The following THSD7B variants were observed in gnomAD, a reference collection of about 807,000 sequenced individuals.
THSD7B encodes the protein thrombospondin type-1 domain-containing protein 7B.
THSD7B carries 138 observed loss-of-function variants against 213.6 expected under a neutral mutation model. The observed-to-expected ratio is 0.65, with a 90% confidence interval of 0.56 to 0.74. The LOEUF (loss-of-function observed/expected upper bound fraction) is 0.74, where lower values mean the gene tolerates loss of function less well. Ranked by LOEUF, THSD7B falls within the 30% of genes least tolerant of loss-of-function variation. THSD7B has a pLI of 0.00. For synonymous variants in THSD7B, 742 were observed against 687.0 expected (o/e 1.08, Z -1.25); for missense variants, 1,931 against 1,991.5 (o/e 0.97, Z 0.58).
At position 137,518,660 on chromosome 2, in the gene THSD7B, A is replaced by G. The variant is rs537283673; in HGVS notation, c.3139-44561A>G. 3.3e-5 allele frequency among the ~76,000 whole-genome samples: 5 copies of G among 152,232 alleles called. No homozygotes were observed. The South Asian group carries it at 1.0e-3, about 32-fold the overall frequency. On this transcript the variant is annotated intron_variant, in intron 15 of 27. Transcript: ENST00000409968. ...GGATAGGATGACCTGTTCTGTGGAC[A>G]CCACTCATCCTTTTTCCCCAGCCAC...
At chr2:137,252,878 A>G (rs751212932) in intron 10 of THSD7B, among the ~76,000 whole-genome samples, 58 of 150,752 alleles carry the variant, frequency 3.8e-4, no homozygotes, top group Middle Eastern at 7.0e-3. Context: ...AACTATTGGA[A>G]GAGACTAGCA....
At chr2:137,525,922 G>T (rs1680268708) in intron 15 of THSD7B, among the ~76,000 whole-genome samples, 1 of 152,064 alleles carries the variant, frequency 6.6e-6, no homozygotes, top group Non-Finnish European at 1.5e-5. Flanking sequence ...TGTCACAGTT[G>T]GTATGCCAGC....
In THSD7B at chr2:136,924,081, T is replaced by A. The variant is rs371527645; in HGVS notation, c.139+41764T>A. Among the ~76,000 whole-genome samples the A allele has an allele frequency of 3.0e-4, 46 of 152,292 alleles. 1 individual carries two copies. The South Asian group carries it at 9.1e-3, about 30-fold the overall frequency. On this transcript the variant is annotated intron_variant, in intron 2 of 27. Coordinates refer to ENST00000409968, the MANE Select transcript of THSD7B (RefSeq NM_001316349.2). Reference sequence around the variant, plus strand: ...ACGTTTACTTCTAGGAGTTTTATAGTTTTAACTCTTCTGTTTAGGTTTTAT... The same window carrying A: ...ACGTTTACTTCTAGGAGTTTTATAGATTTAACTCTTCTGTTTAGGTTTTAT...
intron 2 of THSD7B, among the ~76,000 whole-genome samples, chr2:137,036,299 A>G (rs186225788): frequency 6.6e-4 from 101 of 152,306 alleles, no homozygotes; most frequent in Non-Finnish European, 1.1e-3. Context: ...AGAGCTTTTA[A>G]TGAAATGTCA....
intron 1 of THSD7B, among the ~76,000 whole-genome samples, chr2:136,765,920 G>A (rs905606658): frequency 6.6e-6 from 1 of 152,246 alleles, no homozygotes. Flanking sequence ...TGCCCGGGGC[G>A]CAGTGTGCGG....
chr2:136,774,864 A>AT (rs773464353), intron 1 of THSD7B, among the ~76,000 whole-genome samples: 39 of 152,162 alleles, frequency 2.6e-4, no homozygotes, highest in Non-Finnish European at 5.2e-4. Flanking sequence ...TTTTATTTTT[A>AT]TTTTTTTATA....
chr2:137,591,563 T>C (rs76064351), intron 17 of THSD7B, among the ~76,000 whole-genome samples: 8,803 of 151,994 alleles, frequency 0.058, 477 homozygotes, highest in African/African-American at 0.13. Flanking sequence ...AAATCAGTGA[T>C]TGCCTTTCTT....
rs72973680 is a variant in THSD7B, at chr2:137,269,352, A to C, written c.2267-3181A>C. ...ACCTGCAGTCACACCATAAAGGCAG[A>C]CTACGTCTGTATGCGAGTGTGTACC... On this transcript the variant is annotated intron_variant, in intron 10 of 27. Coordinates refer to ENST00000409968, the MANE Select transcript of THSD7B (RefSeq NM_001316349.2). Among the ~76,000 whole-genome samples, 928 of 152,334 alleles carry C rather than the reference A, an allele frequency of 6.1e-3. 12 individuals are homozygous for C. The highest frequency in any genetic ancestry group is 0.022 in the African/African-American group (902 of 41,564).
chr2:137,446,520 T>C (rs1055998435), intron 14 of THSD7B, among the ~76,000 whole-genome samples: 2 of 152,076 alleles, frequency 1.3e-5, no homozygotes, highest in African/African-American at 4.8e-5. Context: ...CATCTTTATC[T>C]GTAATAGGAT....
chr2:137,309,882 G>C (rs187064119), intron 12 of THSD7B, among the ~76,000 whole-genome samples: 98 of 151,814 alleles, frequency 6.5e-4, no homozygotes, highest in African/African-American at 2.2e-3. Flanking sequence ...TATATGTGCC[G>C]CATTTTCTTA....
chr2:136,798,415 A>C (rs1006947660), intron 1 of THSD7B, among the ~76,000 whole-genome samples: 3 of 151,876 alleles, frequency 2.0e-5, no homozygotes, highest in African/African-American at 7.3e-5. Context: ...TTGGATTTTG[A>C]AGGGAGCGAT....
chr2:137,298,157 G>A (rs1053864143), intron 12 of THSD7B, among the ~76,000 whole-genome samples: 3 of 152,128 alleles, frequency 2.0e-5, no homozygotes, highest in Non-Finnish European at 4.4e-5. Context: ...GGTGGTCTCA[G>A]ATGGAAATGA....
chr2:137,412,553 T>C (rs566843413), intron 14 of THSD7B, among the ~76,000 whole-genome samples: 30 of 129,796 alleles, frequency 2.3e-4, no homozygotes, highest in Admixed American at 1.1e-3. Context: ...GCCCAGACTG[T>C]GCCATTACAC....
intron 15 of THSD7B, among the ~76,000 whole-genome samples, chr2:137,458,894 TTGA>T (rs1687824558): frequency 6.6e-6 from 1 of 152,122 alleles, no homozygotes; most frequent in South Asian, 2.1e-4. Context: ...TCCCATAAAT[TTGA>T]TTTTTGTTCT....
chr2:137,489,608 A>G (rs1247200089), intron 15 of THSD7B, among the ~76,000 whole-genome samples: 1 of 152,194 alleles, frequency 6.6e-6, no homozygotes, highest in African/African-American at 2.4e-5. Context: ...CAAGTTTCTT[A>G]CAGTAGCCTT....
At chr2:137,066,738 C>T (rs1380431081) in intron 3 of THSD7B, among the ~76,000 whole-genome samples, 2 of 152,048 alleles carry the variant, frequency 1.3e-5, no homozygotes, top group Non-Finnish European at 2.9e-5. Context: ...TGGTGTCTGC[C>T]ATAAATTTTG....
At position 137,233,126 on chromosome 2, in the gene THSD7B, A is replaced by G; in HGVS notation, c.2143A>G (p.Thr715Ala). 1 of 1,612,636 alleles carries G rather than the reference A, an allele frequency of 6.2e-7. No homozygotes were observed. Among genetic ancestry groups the G allele is most frequent in the Middle Eastern group, 1.7e-4 (1 of 6,054 alleles). The change falls in exon 9 of 28, where the codon ACC becomes GCC. Residue 715 changes from threonine (T) to alanine (A), a missense_variant. Physicochemically the swap from Thr to Ala is moderately conservative, Grantham distance 58 (BLOSUM62 0). Coordinates refer to ENST00000409968, the MANE Select transcript of THSD7B (RefSeq NM_001316349.2). ...CAAGAGTCACGTGGGACAAGTAATG[A>G]CCAAAAGGTATTTATTAGGCTGTTA... ...CVKSHVGQVMTKRCPDSTRPE... is the reference protein window; with the variant it reads ...CVKSHVGQVMAKRCPDSTRPE...
At chr2:136,840,574 T>C (rs1015176522) in intron 1 of THSD7B, among the ~76,000 whole-genome samples, 1 of 151,964 alleles carries the variant, frequency 6.6e-6, no homozygotes, top group African/African-American at 2.4e-5. Context: ...GTTTGGGGCA[T>C]TGGAAGTTCG....
At chr2:137,226,092 C>T (rs1681493796) in intron 7 of THSD7B, among the ~76,000 whole-genome samples, 1 of 151,754 alleles carries the variant, frequency 6.6e-6, no homozygotes, top group African/African-American at 2.4e-5. Flanking sequence ...CAGCTGTGGG[C>T]AAGCATTTAA....
Sources: gnomAD v4.1 joint callset for allele counts (sites outside exome capture counted in the v4.1 genomes callset) on GRCh38, gnomAD v4.1.1 for gene constraint, MANE v1.5 for transcripts, NCBI Gene and HGNC (gene_info 2026-07-23, HGNC 2026-07-21) for gene names.